Variants in KLHL7 observed in about 807,000 individuals in gnomAD.
KLHL7 encodes the protein kelch like family member 7.
KLHL7 carries 44 observed loss-of-function variants against 67.4 expected under a neutral mutation model. That is an observed-to-expected ratio of 0.65 (90% CI 0.51 to 0.84). The LOEUF (loss-of-function observed/expected upper bound fraction) is 0.84, where lower values mean the gene tolerates loss of function less well. Ranked by LOEUF, KLHL7 falls within the 40% of genes least tolerant of loss-of-function variation. The pLI is 0.00. For synonymous variants in KLHL7, 252 were observed against 243.3 expected, an observed-to-expected ratio of 1.04 and a Z score of -0.33; for missense variants, 362 against 718.1, an observed-to-expected ratio of 0.50 and a Z score of 5.67.
At chr7:23,116,595 G>A (rs781400387) in intron 1 of KLHL7, among the ~76,000 whole-genome samples, 6 of 152,156 alleles carry the variant, frequency 3.9e-5, no homozygotes, top group Admixed American at 6.5e-5. Context: ...TGATTTTGGT[G>A]TTTGTTTTGC....
intron 4 of KLHL7, among the ~76,000 whole-genome samples, chr7:23,127,768 G>T (rs923473914): frequency 3.3e-5 from 5 of 151,888 alleles, no homozygotes; most frequent in African/African-American, 1.2e-4. Context: ...CAGCTACTCC[G>T]GAGGCCGAGG....
intron 9 of KLHL7, chr7:23,172,322 T>A: frequency 2.7e-6 from 1 of 374,820 alleles, no homozygotes; most frequent in Middle Eastern, 4.4e-4. Context: ...ATTCTCAGTT[T>A]CATTATTTAT....
Position 23,165,945 on chromosome 7 carries a change from A to G in KLHL7, c.1177+7A>G, listed in dbSNP as rs764970364. The stretch of plus-strand genomic sequence containing the variant: ...TCTGGAGGTTCAGAAGTAGGTAAGG[A>G]CTTCTTAAGTATTTTGGTTTGGGGC... On this transcript the variant is annotated splice_region_variant and intron_variant, in intron 8 of 10. Coordinates refer to ENST00000339077, the MANE Select transcript of KLHL7 (RefSeq NM_001031710.3). 12 of 1,613,766 alleles carry G rather than the reference A, an allele frequency of 7.4e-6. No homozygotes were observed. The highest frequency in any genetic ancestry group is 1.0e-5 in the Non-Finnish European group (12 of 1,179,998).
intron 4 of KLHL7, among the ~76,000 whole-genome samples, chr7:23,139,100 AAAAAC>A (rs1173054860): frequency 1.3e-5 from 2 of 151,802 alleles, no homozygotes; most frequent in South Asian, 2.1e-4. Context: ...AAAAAAAAAA[AAAAAC>A]AAGAATACCC....
At chr7:23,125,867 C>T in intron 4 of KLHL7, 3 of 1,549,696 alleles carry the variant, frequency 1.9e-6, no homozygotes, top group Non-Finnish European at 2.6e-6. Context: ...TGTGCAGTAG[C>T]CCACCCTTAT....
At chr7:23,148,818 T>C (rs1158548218) in intron 6 of KLHL7, among the ~76,000 whole-genome samples, 1 of 152,254 alleles carries the variant, frequency 6.6e-6, no homozygotes, top group Non-Finnish European at 1.5e-5. Flanking sequence ...CAGGATGCTT[T>C]GTTGTTTAGT....
chr7:23,125,198 G>A (rs765793061), intron 4 of KLHL7, 26 bp downstream of exon 4: 15 of 1,609,488 alleles, frequency 9.3e-6, no homozygotes, highest in Middle Eastern at 3.5e-4. Context: ...TTCCTGTTGT[G>A]TGTTTATTTT....
At position 23,167,885 on chromosome 7, in the gene KLHL7, C is replaced by T; in HGVS notation, c.1227C>T (p.Ser409=). The T allele has an allele frequency of 6.2e-7, 1 of 1,614,216 alleles. No homozygotes were observed. The highest frequency in any genetic ancestry group is 8.5e-7 in the Non-Finnish European group (1 of 1,180,042). ...LFECYDTRTE[S]WHTKPSMLTQ... ...AGTGCTATGATACGAGAACTGAAAGCTGGCACACAAAGCCCAGCATGCTGA... is the reference window on the plus strand; with the variant it reads ...AGTGCTATGATACGAGAACTGAAAGTTGGCACACAAAGCCCAGCATGCTGA... Residue 409 remains serine, a synonymous_variant, in exon 9 of 11, where the codon AGC becomes AGT. Coordinates refer to ENST00000339077, the MANE Select transcript of KLHL7 (RefSeq NM_001031710.3).
chr7:23,123,196 G>A, intron 1 of KLHL7, among the ~76,000 whole-genome samples: 1 of 152,156 alleles, frequency 6.6e-6, no homozygotes, highest in East Asian at 1.9e-4. Flanking sequence ...TATCAGAAGT[G>A]CATTTGAGAG....
chr7:23,130,338 C>T (rs1419882701), intron 4 of KLHL7, among the ~76,000 whole-genome samples: 2 of 152,116 alleles, frequency 1.3e-5, no homozygotes, highest in Non-Finnish European at 2.9e-5. Context: ...CTATAAAATT[C>T]CAGAAAAACA....
In KLHL7 at chr7:23,140,301, TC is replaced by T. The variant is rs575771430; in HGVS notation, c.443-465del. ...TGGGCGCGGTGGCTCATGCCTGTAA[TC>T]CCAGCACTTTGGGAGGCCAGGGTGG... On this transcript the variant is annotated intron_variant, in intron 4 of 10. Coordinates refer to ENST00000339077, the MANE Select transcript of KLHL7 (RefSeq NM_001031710.3). 7.2e-5 allele frequency among the ~76,000 whole-genome samples: 11 copies of T among 152,312 alleles called. No homozygotes were observed. In the South Asian group the frequency reaches 2.3e-3, roughly 32 times the overall value.
At chr7:23,128,847 G>A (rs927176274) in intron 4 of KLHL7, among the ~76,000 whole-genome samples, 13 of 152,102 alleles carry the variant, frequency 8.5e-5, no homozygotes, top group South Asian at 4.1e-4. Flanking sequence ...TACCAAAGGT[G>A]GCCCTTTGTG....
chr7:23,129,429 T>C, intron 4 of KLHL7: 1 of 380,796 alleles, frequency 2.6e-6, no homozygotes, highest in Non-Finnish European at 5.2e-6. Flanking sequence ...AAATCTCACC[T>C]AATATAGCTG....
chr7:23,165,543 C>T (rs1432916519), intron 7 of KLHL7, among the ~76,000 whole-genome samples, 155 bp from the exon 8 acceptor site: 1 of 152,156 alleles, frequency 6.6e-6, no homozygotes, highest in Non-Finnish European at 1.5e-5. Flanking sequence ...AGAAACCACA[C>T]AAGATTAAAT....
chr7:23,171,895 G>C (rs2128470292), intron 9 of KLHL7, among the ~76,000 whole-genome samples: 1 of 152,308 alleles, frequency 6.6e-6, no homozygotes, highest in East Asian at 1.9e-4. Flanking sequence ...ATTTTTAATA[G>C]AGACGGGGTT....
chr7:23,136,903 T>C (rs1414163006), intron 4 of KLHL7, among the ~76,000 whole-genome samples: 1 of 152,232 alleles, frequency 6.6e-6, no homozygotes, highest in Non-Finnish European at 1.5e-5. Context: ...AATAAATGTA[T>C]TTATTTTTAT....
rs749337319 is a variant in KLHL7 at position 23,106,110 on chromosome 7, G to A, written c.84G>A (p.Ala28=). The stretch of plus-strand genomic sequence containing the variant: ...CTCGGGAAGAAGCTAAATTGTTGGC[G>A]GGTTTCATGGGCGTCATGAATAACA... ...LAAREEAKLL[A]GFMGVMNNMR... Residue 28 remains alanine (A), a synonymous_variant, in exon 1 of 11, where the codon GCG becomes GCA. Transcript: ENST00000339077. 11 of 1,610,018 alleles carry A rather than the reference G, an allele frequency of 6.8e-6. No individual in the cohort carries two copies. The highest frequency in any genetic ancestry group is 9.3e-6 in the Non-Finnish European group (11 of 1,178,416).
chr7:23,108,113 T>G (rs550783766), intron 1 of KLHL7, among the ~76,000 whole-genome samples: 1 of 152,348 alleles, frequency 6.6e-6, no homozygotes, highest in East Asian at 1.9e-4. Flanking sequence ...ACAATCTCAT[T>G]GCTTTAAGGA....
chr7:23,168,198 T>C lies in KLHL7; in HGVS notation c.1379+161T>C, dbSNP rs576415999. On this transcript the variant is annotated intron_variant, in intron 9 of 10. Transcript: ENST00000339077. ...TAGGGTCAGTGGCATATTTATGACC[T>C]GGACCTTTCCCTTACACCAGAAATG... is the stretch of plus-strand genomic sequence containing the variant. The C allele has an allele frequency of 1.3e-3, 873 of 661,134 alleles. 2 individuals carry two copies. Among genetic ancestry groups the C allele is most frequent in the Non-Finnish European group, 2.1e-3 (808 of 381,632 alleles). 41.0% of individuals were successfully genotyped at this position (661,134 alleles called of 1,614,324 possible).
Sources: gnomAD v4.1 joint callset for allele counts (sites outside exome capture counted in the v4.1 genomes callset) on GRCh38, gnomAD v4.1.1 for gene constraint, MANE v1.5 for transcripts, NCBI Gene and HGNC (gene_info 2026-07-23, HGNC 2026-07-21) for gene names.